The following GABRG3 variants were observed in gnomAD, a reference collection of about 807,000 sequenced individuals.
GABRG3 encodes the protein gamma-aminobutyric acid type A receptor subunit gamma3.
In GABRG3, 25 loss-of-function variants were observed where a neutral mutation model predicts 48.8. The ratio of observed to expected loss-of-function variants is 0.51; its 90% CI spans 0.37 to 0.72. GABRG3 has a LOEUF of 0.72. Ranked by LOEUF, GABRG3 falls within the 30% of genes least tolerant of loss-of-function variation. The probability of loss-of-function intolerance (pLI) is 0.00; values close to 1 mark genes in which losing one functional copy is unlikely to be tolerated. For missense variants in GABRG3, 394 were observed against 577.9 expected (o/e 0.68, Z 3.26); for synonymous variants, 227 against 217.6 (o/e 1.04, Z -0.38).
At chr15:27,108,938 GA>G (rs1320393454) in intron 3 of GABRG3, among the ~76,000 whole-genome samples, 1 of 151,980 alleles carries the variant, frequency 6.6e-6, no homozygotes, top group African/African-American at 2.4e-5. Flanking sequence ...ATTGGCATAG[GA>G]AAATGCTCAT....
chr15:27,262,520 C>T (rs1890798023), intron 3 of GABRG3, among the ~76,000 whole-genome samples: 2 of 152,236 alleles, frequency 1.3e-5, no homozygotes, highest in African/African-American at 4.8e-5. Flanking sequence ...ATTGCCGCCC[C>T]TACCCCATCT....
chr15:27,357,233 G>A (rs1387709287), intron 5 of GABRG3, among the ~76,000 whole-genome samples: 1 of 152,162 alleles, frequency 6.6e-6, no homozygotes, highest in Non-Finnish European at 1.5e-5. Context: ...TGTTCTGCCA[G>A]TGGAACCATT....
intron 2 of GABRG3, among the ~76,000 whole-genome samples, chr15:27,020,256 A>C (rs940635695): frequency 3.3e-5 from 5 of 152,146 alleles, no homozygotes; most frequent in Non-Finnish European, 7.4e-5. Context: ...CAGGGTCTGC[A>C]TGCCTCATCC....
At chr15:27,103,339 A>G (rs1025518893) in intron 3 of GABRG3, among the ~76,000 whole-genome samples, 2 of 152,058 alleles carry the variant, frequency 1.3e-5, no homozygotes, top group African/African-American at 2.4e-5. Flanking sequence ...ATGAAACACC[A>G]CTCCCCAGGC....
intron 5 of GABRG3, among the ~76,000 whole-genome samples, chr15:27,466,388 A>G (rs1210951523): frequency 6.6e-6 from 1 of 152,260 alleles, no homozygotes; most frequent in Non-Finnish European, 1.5e-5. Context: ...CATTGTTCAT[A>G]GAATCAGTAA....
At position 26,981,472 on chromosome 15, in the gene GABRG3, C is replaced by T. The variant is rs574902106; in HGVS notation, c.202+4322C>T. On this transcript the variant is annotated intron_variant, in intron 2 of 9. Transcript: ENST00000615808. ...CACGGTCTTGAAAAGAGTATGTATC[C>T]TGTCATCAATGGATGGACTGGATCC... Among the ~76,000 whole-genome samples, 7 of 152,314 alleles carry T rather than the reference C, an allele frequency of 4.6e-5. No homozygotes were observed. In the South Asian group the frequency reaches 1.4e-3, roughly 32 times the overall value.
chr15:27,521,779 A>G (rs1207052901), intron 7 of GABRG3, among the ~76,000 whole-genome samples: 2 of 152,042 alleles, frequency 1.3e-5, no homozygotes, highest in African/African-American at 4.8e-5. Context: ...TTTATATAAA[A>G]TTGAAGACCA....
chr15:27,244,331 G>C (rs1275490411), intron 3 of GABRG3, among the ~76,000 whole-genome samples: 1 of 152,200 alleles, frequency 6.6e-6, no homozygotes, highest in Non-Finnish European at 1.5e-5. Flanking sequence ...GAGGTCCCAG[G>C]AGACTTACTG....
At chr15:27,054,218 G>A (rs1282773230) in intron 3 of GABRG3, among the ~76,000 whole-genome samples, 4 of 151,210 alleles carry the variant, frequency 2.6e-5, no homozygotes, top group African/African-American at 7.3e-5. Flanking sequence ...CAGCCTGGGC[G>A]AAAGAGCCAA....
At chr15:27,472,616 AT>A (rs1471188161) in intron 5 of GABRG3, among the ~76,000 whole-genome samples, 2 of 152,134 alleles carry the variant, frequency 1.3e-5, no homozygotes, top group Non-Finnish European at 2.9e-5. Context: ...TAATTGTTTT[AT>A]ATATTTATTT....
At chr15:27,310,636 A>T (rs558099445) in intron 3 of GABRG3, among the ~76,000 whole-genome samples, 204 of 152,266 alleles carry the variant, frequency 1.3e-3, no homozygotes, top group African/African-American at 4.6e-3. Context: ...TGATCCTAAA[A>T]TGTATATAAT....
At chr15:27,155,470 AG>A (rs1898401404) in intron 3 of GABRG3, among the ~76,000 whole-genome samples, 1 of 152,200 alleles carries the variant, frequency 6.6e-6, no homozygotes, top group Admixed American at 6.5e-5. Flanking sequence ...GGTTCTTGGT[AG>A]AATGGGCTGA....
chr15:27,064,665 G>A (rs1333850322), intron 3 of GABRG3, among the ~76,000 whole-genome samples: 2 of 152,084 alleles, frequency 1.3e-5, no homozygotes, highest in Non-Finnish European at 2.9e-5. Flanking sequence ...TCTCAGCTGG[G>A]GGCCCAAAGC....
intron 5 of GABRG3, among the ~76,000 whole-genome samples, chr15:27,332,524 A>ACT (rs748389073): frequency 1.3e-5 from 2 of 150,190 alleles, no homozygotes; most frequent in Non-Finnish European, 2.9e-5. Flanking sequence ...ACAGAGTGAA[A>ACT]CTCTGTCTAA....
Position 27,527,954 on chromosome 15 carries a change from A to G in GABRG3, c.1084A>G (p.Arg362Gly), listed in dbSNP as rs200568627. Reference sequence around the variant, plus strand: ...GTAGTTACTACATCCAGATTCCTCAAGATGGATTCCTGAGCGAATAAGCCT... The same window carrying G: ...GTAGTTACTACATCCAGATTCCTCAGGATGGATTCCTGAGCGAATAAGCCT... The part of the protein sequence containing the change: ...TTSLLHPDSS[R>G]WIPERISLQA... Residue 362 changes from arginine to glycine, a missense_variant, in exon 9 of 10, where the codon AGA becomes GGA. By Grantham distance (125) the Arg-to-Gly change is moderately radical. Transcript: ENST00000615808. 2.9e-5 allele frequency: 47 copies of G among 1,594,252 alleles called. No homozygotes were observed. The Admixed American group carries it at 8.0e-4, about 27-fold the overall frequency.
chr15:27,047,519 A>T (rs1351080800), intron 3 of GABRG3, among the ~76,000 whole-genome samples: 2 of 152,180 alleles, frequency 1.3e-5, no homozygotes, highest in African/African-American at 2.4e-5. Flanking sequence ...CATGTGAAAA[A>T]CTTCAGCTAA....
intron 3 of GABRG3, among the ~76,000 whole-genome samples, chr15:27,071,402 A>T (rs1896824584): frequency 6.6e-6 from 1 of 152,218 alleles, no homozygotes; most frequent in Non-Finnish European, 1.5e-5. Flanking sequence ...ACTAGCTGAC[A>T]TACCTGCCCC....
At chr15:27,516,174 T>G (rs971731920) in intron 6 of GABRG3, among the ~76,000 whole-genome samples, 2 of 151,516 alleles carry the variant, frequency 1.3e-5, no homozygotes, top group Admixed American at 6.6e-5. Context: ...TACCTACTGA[T>G]TCATTAAAAT....
intron 3 of GABRG3, among the ~76,000 whole-genome samples, chr15:27,204,570 G>GA (rs367794403): frequency 0.033 from 4,954 of 152,014 alleles, 120 homozygotes; most frequent in Middle Eastern, 0.054. Context: ...CTAATTCTGT[G>GA]AAAAAAATGT....
Sources: gnomAD v4.1 joint callset for allele counts (sites outside exome capture counted in the v4.1 genomes callset) on GRCh38, gnomAD v4.1.1 for gene constraint, MANE v1.5 for transcripts, NCBI Gene and HGNC (gene_info 2026-07-23, HGNC 2026-07-21) for gene names.